The following VGLL4 variants were observed in gnomAD, a reference collection of about 807,000 sequenced individuals.
VGLL4 encodes vestigial like family member 4.
VGLL4 carries 7 observed loss-of-function variants against 21.0 expected under a neutral mutation model. That is an observed-to-expected ratio of 0.33 (90% confidence interval 0.19 to 0.63). The LOEUF (loss-of-function observed/expected upper bound fraction) is 0.63, where lower values mean the gene tolerates loss of function less well. Ranked by LOEUF, VGLL4 falls within the 20% of genes least tolerant of loss-of-function variation. The pLI, the probability that VGLL4 is intolerant of heterozygous loss-of-function variation, is 0.78. For synonymous variants in VGLL4, 222 were observed against 173.2 expected, an observed-to-expected ratio of 1.28 and a Z score of -2.21; for missense variants, 394 against 425.7, an observed-to-expected ratio of 0.93 and a Z score of 0.66.
At chr3:11,673,934 C>G (rs1404514198) in intron 2 of VGLL4, among the ~76,000 whole-genome samples, 1 of 147,096 alleles carries the variant, frequency 6.8e-6, no homozygotes, top group African/African-American at 2.5e-5. Context: ...ATCACTTGAA[C>G]CCAGGAGGTG....
intron 2 of VGLL4, among the ~76,000 whole-genome samples, chr3:11,676,968 C>T (rs183215310): frequency 8.4e-4 from 128 of 152,150 alleles, no homozygotes; most frequent in African/African-American, 3.0e-3. Flanking sequence ...AAAAGTCATG[C>T]GTAATTCTAC....
upstream of VGLL4, among the ~76,000 whole-genome samples, chr3:11,645,514 C>T (rs7634021): frequency 0.012 from 1,277 of 102,290 alleles, 42 homozygotes; most frequent in African/African-American, 0.04. Context: ...GGCGTGAACC[C>T]GGGAAGCGGA....
At chr3:11,602,145 T>A in intron 1 of VGLL4, 123 bp from the exon 2 acceptor site, 1 of 908,338 alleles carries the variant, frequency 1.1e-6, no homozygotes, top group Non-Finnish European at 1.6e-6. Context: ...TTTTTGGCAA[T>A]GGGACGGGGC....
intron 1 of VGLL4, among the ~76,000 whole-genome samples, chr3:11,708,538 G>C (rs907398283): frequency 2.0e-5 from 3 of 151,558 alleles, no homozygotes; most frequent in Non-Finnish European, 4.4e-5. Flanking sequence ...CGTGTGCCTG[G>C]AGGGCCTGCA....
At chr3:11,606,407 T>A (rs1235707299) in intron 1 of VGLL4, among the ~76,000 whole-genome samples, 2 of 152,194 alleles carry the variant, frequency 1.3e-5, no homozygotes, top group Non-Finnish European at 2.9e-5. Context: ...TTAGGATGGC[T>A]ATGATCAAAA....
At chr3:11,563,898 C>G (rs990264013) in intron 3 of VGLL4, among the ~76,000 whole-genome samples, 5 of 152,200 alleles carry the variant, frequency 3.3e-5, no homozygotes, top group Non-Finnish European at 5.9e-5. Flanking sequence ...CTACCCCACC[C>G]ACAGTTTCAA....
intron 2 of VGLL4, among the ~76,000 whole-genome samples, chr3:11,658,277 T>C (rs2075985370): frequency 6.6e-6 from 1 of 151,980 alleles, no homozygotes; most frequent in Non-Finnish European, 1.5e-5. Flanking sequence ...AAATACAGCA[T>C]TGCACCTGCA....
At chr3:11,592,678 T>C (rs185261586) in intron 2 of VGLL4, among the ~76,000 whole-genome samples, 36 of 152,330 alleles carry the variant, frequency 2.4e-4, no homozygotes, top group Middle Eastern at 6.8e-3. Flanking sequence ...AAATATCCCA[T>C]GGTGGCTGAC....
At chr3:11,709,190 T>C (rs1424561958) in intron 1 of VGLL4, among the ~76,000 whole-genome samples, 1 of 151,534 alleles carries the variant, frequency 6.6e-6, no homozygotes, top group Non-Finnish European at 1.5e-5. Flanking sequence ...GTAATCCCAG[T>C]ACTTTGGGAG....
chr3:11,627,230 A>ACTCTCTCTCTCTCTCTCTCT (rs1221460234), intron 1 of VGLL4: 7 of 123,270 alleles, frequency 5.7e-5, no homozygotes, highest in African/African-American at 2.3e-4. Flanking sequence ...ACACACACAC[A>ACTCTCTCTCTCTCTCTCTCT]CTCTCTCTCT....
chr3:11,558,712 G>T lies in VGLL4; in HGVS notation c.735C>A (p.Asp245Glu). The change falls in exon 5 of 5, where the codon GAC (aspartate) becomes GAA (glutamate). Residue 245 changes from aspartate to glutamate, a missense_variant. By Grantham distance (45) the Asp-to-Glu change is conservative. Coordinates refer to ENST00000430365, the MANE Select transcript of VGLL4 (RefSeq NM_001128219.3). ...NSVSITGSVDDHFAKALGDTW... is the reference protein window; with the variant it reads ...NSVSITGSVDEHFAKALGDTW... ...TGTCACCCAGAGCTTTGGCAAAGTGGTCGTCCACGGAGCCCGTGATGGACA... is the reference window on the plus strand; with the variant it reads ...TGTCACCCAGAGCTTTGGCAAAGTGTTCGTCCACGGAGCCCGTGATGGACA... 6.2e-7 allele frequency: 1 copy of T among 1,614,122 alleles called. No individual in the cohort carries two copies.
chr3:11,666,903 A>G (rs1200962271), intron 2 of VGLL4, among the ~76,000 whole-genome samples: 6 of 152,104 alleles, frequency 3.9e-5, no homozygotes, highest in African/African-American at 1.4e-4. Flanking sequence ...GCGCTCTCCT[A>G]TCTGCGGCGC....
chr3:11,683,805 C>G (rs1270735872), intron 2 of VGLL4, among the ~76,000 whole-genome samples: 1 of 151,892 alleles, frequency 6.6e-6, no homozygotes, highest in Non-Finnish European at 1.5e-5. Flanking sequence ...AAAACTCAAC[C>G]TTGTAAAAAT....
chr3:11,635,834 G>A (rs150986799), intron 1 of VGLL4, among the ~76,000 whole-genome samples: 24 of 152,272 alleles, frequency 1.6e-4, no homozygotes, highest in Admixed American at 6.5e-4. Context: ...CTTTCTAGTC[G>A]GTAGAACTTA....
At chr3:11,599,110 A>G (rs192494990) in intron 2 of VGLL4, among the ~76,000 whole-genome samples, 5 of 152,312 alleles carry the variant, frequency 3.3e-5, no homozygotes, top group Admixed American at 3.3e-4. Context: ...CATCTTTCCA[A>G]TCTGCCTGTG....
intron 2 of VGLL4, among the ~76,000 whole-genome samples, chr3:11,583,505 G>A (rs1353020410): frequency 1.3e-5 from 2 of 152,094 alleles, no homozygotes; most frequent in African/African-American, 4.8e-5. Flanking sequence ...AATAAAAGCA[G>A]AATTTAAACT....
chr3:11,622,417 C>CAA (rs56790337), intron 1 of VGLL4, among the ~76,000 whole-genome samples: 30 of 148,840 alleles, frequency 2.0e-4, no homozygotes, highest in East Asian at 1.4e-3. Flanking sequence ...ATGGTTTTTA[C>CAA]AAAAAAAAAA....
intron 2 of VGLL4, among the ~76,000 whole-genome samples, chr3:11,679,535 T>C (rs918754053): frequency 6.6e-6 from 1 of 151,948 alleles, no homozygotes; most frequent in Admixed American, 6.6e-5. Flanking sequence ...ATACAAAACT[T>C]AGCCAGGCGT....
intron 2 of VGLL4, chr3:11,582,386 C>A: frequency 6.4e-7 from 1 of 1,557,536 alleles, no homozygotes; most frequent in Non-Finnish European, 8.7e-7. Flanking sequence ...AGGCACAAAA[C>A]TGGATGGGCG....
Sources: allele counts gnomAD v4.1 joint callset (sites outside exome capture counted in the v4.1 genomes callset), GRCh38; gene constraint gnomAD v4.1.1; transcripts MANE v1.5; gene names NCBI Gene and HGNC (gene_info 2026-07-23, HGNC 2026-07-21).